Variants in SMARCA1 observed in about 807,000 individuals in gnomAD.
SMARCA1 encodes the protein SNF2 related chromatin remodeling ATPase 1, also known as SWI/SNF-related matrix-associated actin-dependent regulator of chromatin subfamily A member 1.
A neutral mutation model predicts 93.6 loss-of-function variants in SMARCA1; 17 were observed. The ratio of observed to expected loss-of-function variants is 0.18; its 90% CI spans 0.12 to 0.27. The LOEUF is 0.27. Among genes scored for constraint, SMARCA1 ranks in the 10% least tolerant of loss-of-function variants. SMARCA1 has a pLI of 1.00. For missense variants in SMARCA1, 630 were observed against 819.0 expected, an observed-to-expected ratio of 0.77 and a Z score of 2.82; for synonymous variants, 271 against 271.4, an observed-to-expected ratio of 1.00 and a Z score of 0.01.
At chrX:129,505,380 C>T (rs997990243) in intron 8 of SMARCA1, among the ~76,000 whole-genome samples, 11 of 110,343 alleles carry the variant, frequency 1.0e-4, no homozygotes, top group African/African-American at 3.6e-4. Context: ...GGTGTGGTGA[C>T]GGGCACCTGT....
intron 14 of SMARCA1, among the ~76,000 whole-genome samples, chrX:129,490,806 A>C (rs1185943150): frequency 9.0e-6 from 1 of 111,067 alleles, no homozygotes; most frequent in Non-Finnish European, 1.9e-5. Flanking sequence ...GAGAAAAAAA[A>C]AATGTAAGTT....
intron 24 of SMARCA1, among the ~76,000 whole-genome samples, chrX:129,447,506 CTCTTA>C (rs1335954776): frequency 2.7e-5 from 3 of 111,519 alleles, no homozygotes; most frequent in African/African-American, 9.8e-5. Flanking sequence ...TATAAATGTA[CTCTTA>C]TCTTAAAGAA....
In SMARCA1 at chrX:129,521,028, C is replaced by A. The variant is rs771978936; in HGVS notation, c.174+2169G>T. ...AAGTAGCTGGGATTACAGGTGCCTG[C>A]CACCACACTTGGCTAATTTTTTTTT... On this transcript the variant is annotated intron_variant, in intron 1 of 24. Coordinates refer to ENST00000371121, the MANE Select transcript of SMARCA1 (RefSeq NM_001282874.2). Among the ~76,000 whole-genome samples, 3 of 108,204 alleles carry A rather than the reference C, an allele frequency of 2.8e-5. No individual in the cohort carries two copies. The East Asian group carries it at 8.5e-4, about 31-fold the overall frequency. The allele number at this position is 108,204 out of a possible 115,157, so 94.0% of individuals were successfully genotyped here. A position where few individuals can be genotyped will look rare whatever the true frequency, so the allele number is the denominator to read the frequency against.
At chrX:129,460,655 AATC>A (rs1341327169) in intron 23 of SMARCA1, among the ~76,000 whole-genome samples, 9 of 111,823 alleles carry the variant, frequency 8.0e-5, no homozygotes, top group Non-Finnish European at 1.3e-4. Context: ...GGAAATTAAA[AATC>A]ATGAGTAGCT....
At chrX:129,488,164 A>G (rs1468635704) in intron 16 of SMARCA1, among the ~76,000 whole-genome samples, 2 of 110,435 alleles carry the variant, frequency 1.8e-5, no homozygotes, top group Admixed American at 1.9e-4. Context: ...ACTAAACACA[A>G]AATTACAATA....
At chrX:129,455,674 T>C (rs1028936650) in intron 23 of SMARCA1, among the ~76,000 whole-genome samples, 28 of 111,376 alleles carry the variant, frequency 2.5e-4, no homozygotes, top group South Asian at 7.5e-4. Context: ...TTATTGCTGA[T>C]ATGGAGAAAG....
At chrX:129,504,549 T>TAAGAAAAAA (rs1934706632) in intron 9 of SMARCA1, among the ~76,000 whole-genome samples, 185 bp downstream of exon 9, 1 of 24,214 alleles carries the variant, frequency 4.1e-5, no homozygotes, top group Non-Finnish European at 7.2e-5. Context: ...CATAGAGGAA[T>TAAGAAAAAA]AAAAAAAAAA....
In SMARCA1 at chrX:129,448,377, T is replaced by C. The variant is rs2124141515; in HGVS notation, c.3097A>G (p.Arg1033Gly). The C allele has an allele frequency of 8.4e-7, 1 of 1,191,858 alleles. No homozygotes were observed. Among genetic ancestry groups the C allele is most frequent in the East Asian group, 3.0e-5 (1 of 33,720 alleles). The stretch of plus-strand genomic sequence containing the variant: ...CGTTTCTTCTTTTCTGCTCTCTCTC[T>C]TTCCTCAATTTCCATATTTTCTTTC... ...IEKENMEIEERERAEKKKRAT... is the reference protein window; with the variant it reads ...IEKENMEIEEGERAEKKKRAT... The change falls in exon 24 of 25, where the codon AGA (arginine) becomes GGA (glycine). Residue 1033 changes from arginine to glycine, a missense_variant. Around this residue, in one of 4 missense-constraint regions of SMARCA1, gnomAD observed 93 missense variants for 160.8 expected, o/e 0.58. Transcript: ENST00000371121.
At chrX:129,477,513 C>T (rs1377541255) in intron 19 of SMARCA1, among the ~76,000 whole-genome samples, 5 of 110,655 alleles carry the variant, frequency 4.5e-5, no homozygotes, top group African/African-American at 6.6e-5. Context: ...GCCAAGATCA[C>T]GCCACTGCAC....
intron 15 of SMARCA1, among the ~76,000 whole-genome samples, chrX:129,489,689 C>T (rs760491956): frequency 9.4e-4 from 105 of 111,924 alleles, no homozygotes; most frequent in African/African-American, 3.1e-3. Context: ...TCCTGAGTAG[C>T]TGGGACTACT....
At chrX:129,522,250 T>C (rs1219687893) in intron 1 of SMARCA1, among the ~76,000 whole-genome samples, 3 of 109,904 alleles carry the variant, frequency 2.7e-5, no homozygotes, top group African/African-American at 6.6e-5. Context: ...TTAATATGTG[T>C]CAGAGCAGTT....
intron 13 of SMARCA1, among the ~76,000 whole-genome samples, 154 bp downstream of exon 13, chrX:129,492,886 T>G (rs1040552472): frequency 9.0e-6 from 1 of 110,861 alleles, no homozygotes; most frequent in Non-Finnish European, 1.9e-5. Context: ...ATAATAACAT[T>G]TTTGAAGATT....
intron 19 of SMARCA1, 99 bp downstream of exon 19, chrX:129,480,602 T>C: frequency 3.0e-6 from 1 of 331,275 alleles, no homozygotes. Flanking sequence ...TGCTGTCACA[T>C]TCTCTCAAAT....
intron 17 of SMARCA1, among the ~76,000 whole-genome samples, chrX:129,483,972 G>A (rs1245428987): frequency 4.5e-5 from 5 of 111,880 alleles, no homozygotes; most frequent in Non-Finnish European, 7.5e-5. Flanking sequence ...CAAAGAGGCA[G>A]AAATAAAATA....
At chrX:129,479,129 C>T (rs1369085182) in intron 19 of SMARCA1, among the ~76,000 whole-genome samples, 2 of 111,796 alleles carry the variant, frequency 1.8e-5, no homozygotes, top group Non-Finnish European at 3.8e-5. Context: ...ATAAAATGTT[C>T]TATGCAAATA....
chrX:129,459,442 G>T (rs1338854404), intron 23 of SMARCA1, among the ~76,000 whole-genome samples: 1 of 112,052 alleles, frequency 8.9e-6, no homozygotes, highest in Admixed American at 9.5e-5. Context: ...AGAAAATGTT[G>T]TTATCACTTC....
At chrX:129,518,506 C>A in intron 1 of SMARCA1, 59 bp from the exon 2 acceptor site, 2 of 678,895 alleles carry the variant, frequency 2.9e-6, no homozygotes, top group South Asian at 5.4e-5. Flanking sequence ...TTAAACTGGT[C>A]AATGCTCTCA....
intron 19 of SMARCA1, 58 bp downstream of exon 19, chrX:129,480,643 C>A: frequency 2.1e-6 from 1 of 466,989 alleles, no homozygotes; most frequent in East Asian, 5.0e-5. Flanking sequence ...TCTAGATTAA[C>A]AGATTAAATT....
chrX:129,508,253 C>T (rs963096494), intron 6 of SMARCA1, among the ~76,000 whole-genome samples, 157 bp from the exon 7 acceptor site: 6 of 111,136 alleles, frequency 5.4e-5, no homozygotes, highest in African/African-American at 1.6e-4. Context: ...AAACTGAGGC[C>T]CAAAGATAGT....
Sources: gnomAD v4.1 joint callset for allele counts (sites outside exome capture counted in the v4.1 genomes callset) on GRCh38, gnomAD v4.1.1 for gene constraint, gnomAD v4.1.1 regional missense constraint, MANE v1.5 for transcripts, NCBI Gene and HGNC (gene_info 2026-07-23, HGNC 2026-07-21) for gene names.